STRN3: variants seen among roughly 807,000 people sequenced by gnomAD.
STRN3 encodes striatin-3.
In STRN3, 29 loss-of-function variants were observed where a neutral mutation model predicts 95.6. That is an observed-to-expected ratio of 0.30 (90% CI 0.23 to 0.41). The LOEUF (loss-of-function observed/expected upper bound fraction) is 0.41, where lower values mean the gene tolerates loss of function less well. STRN3 is among the 10% of genes least tolerant of loss of function. The pLI, the probability that STRN3 is intolerant of heterozygous loss-of-function variation, is 1.00. For synonymous variants in STRN3, 331 were observed against 357.6 expected (o/e 0.93, Z 0.84); for missense variants, 890 against 972.1 (o/e 0.92, Z 1.12).
chr14:30,909,641 C>T (rs1400469162), intron 13 of STRN3, among the ~76,000 whole-genome samples: 1 of 152,068 alleles, frequency 6.6e-6, no homozygotes, highest in African/African-American at 2.4e-5. Flanking sequence ...CCCCATCTGG[C>T]AAATCTTTAA....
At chr14:30,952,121 C>CA (rs147057592) in intron 3 of STRN3, among the ~76,000 whole-genome samples, 58,516 of 147,832 alleles carry the variant, frequency 0.4, 11,793 homozygotes, top group East Asian at 0.46. Flanking sequence ...CTGTCTTAAA[C>CA]AACAAAAAAA....
At position 30,935,174 on chromosome 14, in the gene STRN3, C is replaced by T. The variant is rs1365901575; in HGVS notation, c.977G>A (p.Gly326Asp). 6.2e-7 allele frequency: 1 copy of T among 1,613,938 alleles called. No individual in the cohort carries two copies. Among genetic ancestry groups the T allele is most frequent in the Non-Finnish European group, 8.5e-7 (1 of 1,179,922 alleles). Residue 326 changes from glycine to aspartate, a missense_variant, in exon 7 of 18, where the codon GGC becomes GAC. Physicochemically the swap from Gly to Asp is moderately conservative, Grantham distance 94. Coordinates refer to ENST00000357479, the MANE Select transcript of STRN3 (RefSeq NM_001083893.2). Reference sequence around the variant, plus strand: ...CTTTATCACCTTACCCCATTCTGTGCCATCCCCCGAACTCCGTGCTTCTCC... The same window carrying T: ...CTTTATCACCTTACCCCATTCTGTGTCATCCCCCGAACTCCGTGCTTCTCC... Reference protein sequence around the residue: ...GAGEARSSGDGTEWDKDDLSP... With the variant: ...GAGEARSSGDDTEWDKDDLSP...
At chr14:30,938,622 G>A (rs1314191289) in intron 5 of STRN3, among the ~76,000 whole-genome samples, 1 of 151,984 alleles carries the variant, frequency 6.6e-6, no homozygotes, top group Non-Finnish European at 1.5e-5. Flanking sequence ...GAAAGAATTG[G>A]TCAATCAGAT....
At chr14:30,999,923 A>T (rs1194982559) in intron 1 of STRN3, among the ~76,000 whole-genome samples, 1 of 152,228 alleles carries the variant, frequency 6.6e-6, no homozygotes, top group East Asian at 1.9e-4. Flanking sequence ...GAAGCAATTC[A>T]TCACATACTA....
intron 1 of STRN3, among the ~76,000 whole-genome samples, chr14:30,958,365 A>G (rs1291756924): frequency 2.0e-5 from 3 of 152,210 alleles, no homozygotes; most frequent in Non-Finnish European, 2.9e-5. Context: ...TTATAAATAC[A>G]TATTTTAAAA....
intron 3 of STRN3, among the ~76,000 whole-genome samples, chr14:30,953,146 T>C (rs1278143238): frequency 1.3e-5 from 2 of 152,222 alleles, no homozygotes; most frequent in Non-Finnish European, 2.9e-5. Flanking sequence ...GAAATTAGTT[T>C]CCATTTTCTA....
At chr14:30,986,203 G>A (rs1881683730) in intron 1 of STRN3, among the ~76,000 whole-genome samples, 1 of 152,168 alleles carries the variant, frequency 6.6e-6, no homozygotes, top group East Asian at 1.9e-4. Flanking sequence ...TGAGGGACAG[G>A]TATGCTTCTA....
rs868001898 is a variant in STRN3, at chr14:30,994,311, A to G, written c.282+31593T>C. Among the ~76,000 whole-genome samples the G allele has an allele frequency of 7.2e-5, 11 of 152,320 alleles. 1 individual carries two copies. The Middle Eastern group carries it at 0.01, about 141-fold the overall frequency. On this transcript the variant is annotated intron_variant, in intron 1 of 17. Coordinates refer to ENST00000357479, the MANE Select transcript of STRN3 (RefSeq NM_001083893.2). ...CCAGCCCAATTTTCATATACTTTAG[A>G]TATCTTCAGGTGGTCTAACATCAAT...
chr14:31,024,559 G>T (rs528762272), intron 1 of STRN3, among the ~76,000 whole-genome samples: 10 of 152,242 alleles, frequency 6.6e-5, no homozygotes, highest in African/African-American at 2.2e-4. Context: ...ACTTCATACA[G>T]TGTCAAAATA....
intron 1 of STRN3, among the ~76,000 whole-genome samples, chr14:30,978,894 C>A (rs1433765885): frequency 6.6e-6 from 1 of 151,806 alleles, no homozygotes; most frequent in Non-Finnish European, 1.5e-5. Flanking sequence ...GTTAGCTGGG[C>A]ATGGTGGCAC....
chr14:30,914,438 C>T (rs947364566), intron 9 of STRN3, among the ~76,000 whole-genome samples: 9 of 151,918 alleles, frequency 5.9e-5, no homozygotes, highest in East Asian at 3.9e-4. Flanking sequence ...CTGCAACCTC[C>T]ACCTCCTAGG....
chr14:30,941,129 G>C (rs1285278215), intron 5 of STRN3, among the ~76,000 whole-genome samples: 3 of 152,136 alleles, frequency 2.0e-5, no homozygotes, highest in African/African-American at 7.2e-5. Flanking sequence ...CTGACACATT[G>C]ATCTTAGACT....
chr14:30,966,973 A>G (rs1880544943), intron 1 of STRN3, among the ~76,000 whole-genome samples: 1 of 152,026 alleles, frequency 6.6e-6, no homozygotes, highest in African/African-American at 2.4e-5. Flanking sequence ...AAGCAGGACA[A>G]GACACCCCCT....
chr14:30,990,231 C>G (rs1881889446), intron 1 of STRN3, among the ~76,000 whole-genome samples: 1 of 150,688 alleles, frequency 6.6e-6, no homozygotes, highest in Non-Finnish European at 1.5e-5. Context: ...GGCGCAATCT[C>G]GGCTCACTGC....
chr14:30,977,618 T>C (rs1462215396), intron 1 of STRN3, among the ~76,000 whole-genome samples: 1 of 146,578 alleles, frequency 6.8e-6, no homozygotes, highest in Non-Finnish European at 1.5e-5. Context: ...ACCCCATCTC[T>C]ACTAAAAATA....
At chr14:30,965,067 T>C (rs564871124) in intron 1 of STRN3, among the ~76,000 whole-genome samples, 98 of 152,178 alleles carry the variant, frequency 6.4e-4, no homozygotes, top group Admixed American at 1.5e-3. Flanking sequence ...ATTCAGACGA[T>C]AACACACTAT....
In STRN3 at chr14:31,026,251, G is replaced by A. The variant is rs1378311417; in HGVS notation, c.-66C>T. The A allele has an allele frequency of 1.3e-5, 18 of 1,342,206 alleles. No homozygotes were observed. The highest frequency in any genetic ancestry group is 4.1e-5 in the Admixed American group (1 of 24,302). The allele number at this position is 1,342,206 out of a possible 1,614,324, so 83.1% of individuals were successfully genotyped here. A position where few individuals can be genotyped will look rare whatever the true frequency, so the allele number is the denominator to read the frequency against. On this transcript the variant is annotated 5_prime_UTR_variant, in exon 1 of 18. Transcript: ENST00000357479. ...ACAGCTGGGGGAAGGGCCGGAGAGG[G>A]TGGCCCCGCGCTGGCTGCGGGGCGG...
rs1896479106 is a variant in STRN3, at chr14:30,907,006, C to T, written c.1759G>A (p.Asp587Asn). The T allele has an allele frequency of 6.2e-7, 1 of 1,613,722 alleles. No individual in the cohort carries two copies. The highest frequency in any genetic ancestry group is 8.5e-7 in the Non-Finnish European group (1 of 1,179,836). Residue 587 changes from aspartate (D) to asparagine (N), a missense_variant, in exon 14 of 18, where the codon GAT becomes AAT. Around this residue, in one of 3 missense-constraint regions of STRN3, gnomAD observed 357 missense variants for 422.8 expected, o/e 0.84. Coordinates refer to ENST00000357479, the MANE Select transcript of STRN3 (RefSeq NM_001083893.2). ...CTATAAGCAAGACCCCAAACTGCAT[C>T]TGTATGACCAACTAAAGTGCCAGCT... ...VLAGTLVGHT[D>N]AVWGLAYSGI...
intron 1 of STRN3, chr14:31,018,572 A>G: frequency 2.1e-6 from 1 of 481,114 alleles, no homozygotes; most frequent in Admixed American, 2.3e-5. Context: ...TGATGAGTTG[A>G]ACAAGCTGTG....
Sources: allele counts gnomAD v4.1 joint callset (sites outside exome capture counted in the v4.1 genomes callset), GRCh38; gene constraint gnomAD v4.1.1; regional missense constraint gnomAD v4.1.1; transcripts MANE v1.5; gene names NCBI Gene and HGNC (gene_info 2026-07-23, HGNC 2026-07-21).